Variants in MRS2 observed in about 807,000 individuals in gnomAD.
MRS2 encodes the protein magnesium transporter MRS2 homolog, mitochondrial.
MRS2 carries 40 observed loss-of-function variants against 52.6 expected under a neutral mutation model. The observed-to-expected ratio is 0.76, with a 90% confidence interval of 0.59 to 0.99. The LOEUF is 0.99. MRS2 is among the 50% of genes least tolerant of loss of function. The pLI is 0.00. For missense variants in MRS2, 472 were observed against 532.7 expected, an observed-to-expected ratio of 0.89 and a Z score of 1.12; for synonymous variants, 193 against 195.9, an observed-to-expected ratio of 0.98 and a Z score of 0.13.
At chr6:24,423,111 C>CATGGGCCCTAAAGTG in intron 10 of MRS2, 61 bp downstream of exon 10, 1 of 1,364,264 alleles carries the variant, frequency 7.3e-7, no homozygotes, top group Non-Finnish European at 1.0e-6. Flanking sequence ...GCCCTAAAGT[C>CATGGGCCCTAAAGTG]AGAGCGCCTG....
At chr6:24,417,470 C>T (rs2127294259) in intron 7 of MRS2, among the ~76,000 whole-genome samples, 1 of 152,302 alleles carries the variant, frequency 6.6e-6, no homozygotes, top group South Asian at 2.1e-4. Context: ...TCTGCATTCA[C>T]ATATCTGGAT....
At chr6:24,417,951 A>AATGAC in intron 7 of MRS2, 133 bp from the exon 8 acceptor site, 1 of 421,598 alleles carries the variant, frequency 2.4e-6, no homozygotes, top group Non-Finnish European at 3.6e-6. Flanking sequence ...AAAAAAAAAA[A>AATGAC]AAGACAAGAC....
chr6:24,417,328 A>G (rs766131662), intron 7 of MRS2, among the ~76,000 whole-genome samples: 1 of 152,214 alleles, frequency 6.6e-6, no homozygotes, highest in Non-Finnish European at 1.5e-5. Flanking sequence ...CAAAGTTATT[A>G]CTGATATCAT....
At chr6:24,415,551 G>A (rs1471972242) in intron 6 of MRS2, among the ~76,000 whole-genome samples, 1 of 152,090 alleles carries the variant, frequency 6.6e-6, no homozygotes. Flanking sequence ...TATTATATAT[G>A]TATCATAAAT....
chr6:24,404,496 A>G (rs1253580329), intron 1 of MRS2, among the ~76,000 whole-genome samples: 1 of 152,210 alleles, frequency 6.6e-6, no homozygotes, highest in Admixed American at 6.5e-5. Context: ...CTCTGGAATC[A>G]GTGTAATTAC....
intron 2 of MRS2, among the ~76,000 whole-genome samples, chr6:24,405,885 C>T (rs1181574920): frequency 6.7e-6 from 1 of 150,022 alleles, no homozygotes; most frequent in Non-Finnish European, 1.5e-5. Flanking sequence ...GTGGGCAGAT[C>T]ATGAGGTCAG....
chr6:24,410,829 A>G, intron 4 of MRS2: 1 of 1,182,458 alleles, frequency 8.5e-7, no homozygotes, highest in East Asian at 2.6e-5. Context: ...CAGCAGAATG[A>G]TAATTGTGTA....
intron 5 of MRS2, 78 bp from the exon 6 acceptor site, chr6:24,414,953 ATT>A (rs1486894709): frequency 7.8e-7 from 1 of 1,286,436 alleles, no homozygotes; most frequent in Admixed American, 2.2e-5. Flanking sequence ...AGATTTCTGT[ATT>A]TAATCAGAGG....
In MRS2 at chr6:24,416,382, A is replaced by G. The variant is rs748573170; in HGVS notation, c.720-15A>G. On this transcript the variant is annotated splice_polypyrimidine_tract_variant and intron_variant, in intron 6 of 10. Coordinates refer to ENST00000378386, the MANE Select transcript of MRS2 (RefSeq NM_020662.4). ...TTTATTCTATTGATCATTTTTGTGTATCTATTTCTTATAGTCTATCAGAGT... is the reference window on the plus strand; with the variant it reads ...TTTATTCTATTGATCATTTTTGTGTGTCTATTTCTTATAGTCTATCAGAGT... 2.0e-6 allele frequency: 2 copies of G among 999,294 alleles called. No homozygotes were observed. Among genetic ancestry groups the G allele is most frequent in the African/African-American group, 3.2e-5 (2 of 61,994 alleles). The allele number at this position is 999,294 out of a possible 1,614,324, so 61.9% of individuals were successfully genotyped here.
At chr6:24,420,395 G>T (rs967735824) in intron 9 of MRS2, among the ~76,000 whole-genome samples, 1 of 152,346 alleles carries the variant, frequency 6.6e-6, no homozygotes, top group South Asian at 2.1e-4. Context: ...AAGAGCATGA[G>T]CTCCTTGAAG....
At chr6:24,416,334 C>T in intron 6 of MRS2, 63 bp from the exon 7 acceptor site, 2 of 691,560 alleles carry the variant, frequency 2.9e-6, no homozygotes, top group Non-Finnish European at 5.1e-6. Flanking sequence ...TCTAAAAACA[C>T]TATTATGAAA....
In MRS2 at chr6:24,402,998, G is replaced by A. The variant is rs762401522; in HGVS notation, c.-49G>A. 3.3e-6 allele frequency: 5 copies of A among 1,493,580 alleles called. No individual in the cohort carries two copies. The highest frequency in any genetic ancestry group is 1.8e-4 in the Middle Eastern group (1 of 5,622). 92.5% of individuals were successfully genotyped at this position (1,493,580 alleles called of 1,614,324 possible). A position where few individuals can be genotyped will look rare whatever the true frequency, so the allele number is the denominator to read the frequency against. ...GCTGCGGCCTGAGCAGCCAGCGTCCGGCATGAAGGTCTGGGGTCTGGCTGC... is the reference window on the plus strand; with the variant it reads ...GCTGCGGCCTGAGCAGCCAGCGTCCAGCATGAAGGTCTGGGGTCTGGCTGC... On this transcript the variant is annotated 5_prime_UTR_variant, in exon 1 of 11. Transcript: ENST00000378386.
In MRS2 at chr6:24,425,944, T is replaced by C. The variant is rs924162410; in HGVS notation, c.*2250T>C. On this transcript the variant is annotated 3_prime_UTR_variant, in exon 11 of 11. Coordinates refer to ENST00000378386, the MANE Select transcript of MRS2 (RefSeq NM_020662.4). ...ACGTTGGATTTAACTCTCATGACTT[T>C]AGTAATACCTACAGAGGTGAGCTAA... 2 of 152,222 alleles carry C rather than the reference T, an allele frequency of 1.3e-5. No individual in the cohort carries two copies. Among genetic ancestry groups the C allele is most frequent in the Non-Finnish European group, 2.9e-5 (2 of 68,038 alleles). 9.4% of individuals were successfully genotyped at this position (152,222 alleles called of 1,614,324 possible). A position where few individuals can be genotyped will look rare whatever the true frequency, so the allele number is the denominator to read the frequency against.
intron 2 of MRS2, among the ~76,000 whole-genome samples, chr6:24,405,507 A>G (rs561977492): frequency 1.3e-5 from 2 of 152,130 alleles, no homozygotes; most frequent in South Asian, 2.1e-4. Context: ...GCTTGAACCT[A>G]TGTTCTGCAA....
chr6:24,418,619 C>A, intron 9 of MRS2, 41 bp downstream of exon 9: 1 of 1,483,268 alleles, frequency 6.7e-7, no homozygotes, highest in Non-Finnish European at 9.4e-7. Flanking sequence ...GGGGTTTTGG[C>A]CGGGCATGGT....
chr6:24,422,633 G>A (rs189485065), intron 9 of MRS2, among the ~76,000 whole-genome samples: 2 of 152,254 alleles, frequency 1.3e-5, no homozygotes, highest in East Asian at 1.9e-4. Flanking sequence ...CTTAAATTGC[G>A]TGTCCTCTGG....
chr6:24,421,775 T>C (rs1762049035), intron 9 of MRS2, among the ~76,000 whole-genome samples: 1 of 152,232 alleles, frequency 6.6e-6, no homozygotes. Flanking sequence ...CTGAAGTTAT[T>C]TTCCAATCTA....
intron 5 of MRS2, 35 bp downstream of exon 5, chr6:24,412,430 T>G: frequency 6.8e-7 from 1 of 1,465,646 alleles, no homozygotes. Flanking sequence ...TTGGGTTTAT[T>G]CTGATTTTGA....
Position 24,415,136 on chromosome 6 carries a change from T to C in MRS2, c.692T>C (p.Leu231Pro). 6.2e-7 allele frequency: 1 copy of C among 1,602,262 alleles called. No homozygotes were observed. Among genetic ancestry groups the C allele is most frequent in the Non-Finnish European group, 8.5e-7 (1 of 1,171,048 alleles). The change falls in exon 6 of 11, where the codon CTG becomes CCG. Residue 231 changes from leucine to proline, a missense_variant. Coordinates refer to ENST00000378386, the MANE Select transcript of MRS2 (RefSeq NM_020662.4). ...PKHSSVDRSK[L>P]HILLQNGKSL... ...CATTCTTCTGTAGACAGAAGCAAAC[T>C]GCACATTTTACTACAGAATGGCAAA...
Sources: gnomAD v4.1 joint callset for allele counts (sites outside exome capture counted in the v4.1 genomes callset) on GRCh38, gnomAD v4.1.1 for gene constraint, MANE v1.5 for transcripts, NCBI Gene and HGNC (gene_info 2026-07-23, HGNC 2026-07-21) for gene names.